PTGER3: variants seen among roughly 807,000 people sequenced by gnomAD.
PTGER3 encodes prostaglandin E2 receptor EP3 subtype.
In PTGER3, 22 loss-of-function variants were observed where a neutral mutation model predicts 34.7. The observed-to-expected ratio is 0.63, with a 90% CI of 0.45 to 0.91. The LOEUF is 0.91. Among genes scored for constraint, PTGER3 ranks in the 40% least tolerant of loss-of-function variants. The pLI is 0.00. For missense variants in PTGER3, 468 were observed against 519.4 expected (o/e 0.90, Z 0.96); for synonymous variants, 241 against 230.1 (o/e 1.05, Z -0.43).
At chr1:70,920,957 C>CAA (rs1181031907) in intron 4 of PTGER3, among the ~76,000 whole-genome samples, 1 of 152,196 alleles carries the variant, frequency 6.6e-6, no homozygotes, top group Non-Finnish European at 1.5e-5. Context: ...TAATTACAGA[C>CAA]AAGACTGCTC....
chr1:70,884,999 C>A (rs1046953083), intron 4 of PTGER3, among the ~76,000 whole-genome samples: 6 of 152,182 alleles, frequency 3.9e-5, no homozygotes, highest in African/African-American at 9.7e-5. Context: ...AAAATCACAT[C>A]CCACTGAATT....
intron 1 of PTGER3, among the ~76,000 whole-genome samples, chr1:71,021,959 G>A (rs970785002): frequency 2.6e-5 from 4 of 151,818 alleles, no homozygotes; most frequent in African/African-American, 4.9e-5. Flanking sequence ...ATGAAGAAAT[G>A]TTCAGAATGT....
At chr1:71,037,078 A>G (rs1402218795) in intron 1 of PTGER3, among the ~76,000 whole-genome samples, 6 of 152,114 alleles carry the variant, frequency 3.9e-5, no homozygotes, top group Admixed American at 3.9e-4. Context: ...CCAAGCACAG[A>G]CCCAGTACAG....
chr1:70,883,250 A>AC (rs1346997902), intron 4 of PTGER3, among the ~76,000 whole-genome samples: 7 of 152,234 alleles, frequency 4.6e-5, no homozygotes, highest in African/African-American at 1.7e-4. Context: ...TAATTTTGGT[A>AC]CAAAATTAGT....
At chr1:70,938,371 T>C (rs752427044) in intron 4 of PTGER3, among the ~76,000 whole-genome samples, 5 of 152,192 alleles carry the variant, frequency 3.3e-5, no homozygotes, top group Non-Finnish European at 7.3e-5. Flanking sequence ...CAATGATTTA[T>C]AAAATGTACT....
intron 2 of PTGER3, among the ~76,000 whole-genome samples, chr1:70,958,871 G>A (rs1026378239): frequency 5.3e-5 from 8 of 152,084 alleles, no homozygotes; most frequent in African/African-American, 1.9e-4. Flanking sequence ...AGAGATGGGG[G>A]TCTAGTTTCA....
chr1:70,977,210 G>A (rs1653791184), intron 2 of PTGER3, among the ~76,000 whole-genome samples: 1 of 152,004 alleles, frequency 6.6e-6, no homozygotes, highest in Non-Finnish European at 1.5e-5. Context: ...TGTGTAAATG[G>A]GCACGTCACA....
At chr1:70,973,653 T>G (rs1653377036) in intron 3 of PTGER3, among the ~76,000 whole-genome samples, 1 of 152,202 alleles carries the variant, frequency 6.6e-6, no homozygotes, top group Non-Finnish European at 1.5e-5. Context: ...TCAACTGTGT[T>G]ATCTCTGAAA....
At chr1:70,900,397 T>C (rs1254879646) in intron 4 of PTGER3, among the ~76,000 whole-genome samples, 1 of 152,170 alleles carries the variant, frequency 6.6e-6, no homozygotes, top group Non-Finnish European at 1.5e-5. Context: ...AGTGTCAGCC[T>C]CTTTTACATG....
chr1:70,920,089 A>T (rs1206780885), intron 4 of PTGER3, among the ~76,000 whole-genome samples: 2 of 152,182 alleles, frequency 1.3e-5, no homozygotes, highest in Non-Finnish European at 2.9e-5. Context: ...GGCCCAATTA[A>T]TGCTGACAGT....
At chr1:71,008,225 A>G (rs1657136194) in intron 2 of PTGER3, 1 of 941,910 alleles carries the variant, frequency 1.1e-6, no homozygotes, top group Non-Finnish European at 1.3e-6. Flanking sequence ...TGGGTTGCTT[A>G]TTACATGAAA....
intron 1 of PTGER3, among the ~76,000 whole-genome samples, chr1:71,022,070 A>G (rs770959454): frequency 6.6e-6 from 1 of 151,866 alleles, no homozygotes; most frequent in Non-Finnish European, 1.5e-5. Flanking sequence ...TCTGGGTGAG[A>G]ATTATGGCAA....
chr1:70,852,959 A>G, intron 4 of PTGER3: 2 of 1,302,552 alleles, frequency 1.5e-6, no homozygotes, highest in Non-Finnish European at 2.2e-6. Flanking sequence ...ATTTCAGATT[A>G]TGAACAGGAA....
At chr1:70,862,742 AAAG>A (rs1442819466) in intron 4 of PTGER3, among the ~76,000 whole-genome samples, 1 of 152,148 alleles carries the variant, frequency 6.6e-6, no homozygotes, top group Non-Finnish European at 1.5e-5. Context: ...AGGAGGAGGA[AAAG>A]AAGAAAGAAG....
At chr1:70,856,548 A>C (rs775092587) in intron 4 of PTGER3, among the ~76,000 whole-genome samples, 1 of 152,184 alleles carries the variant, frequency 6.6e-6, no homozygotes, top group Non-Finnish European at 1.5e-5. Context: ...AACCTAACTA[A>C]AGCAAAACAA....
chr1:70,965,881 A>G (rs1037375082), downstream of PTGER3, among the ~76,000 whole-genome samples: 2 of 152,156 alleles, frequency 1.3e-5, no homozygotes, highest in African/African-American at 4.8e-5. Flanking sequence ...TTTGATATGT[A>G]CTTGGAATTT....
intron 4 of PTGER3, among the ~76,000 whole-genome samples, chr1:70,879,864 G>A (rs1358580096): frequency 6.6e-6 from 1 of 152,254 alleles, no homozygotes; most frequent in Non-Finnish European, 1.5e-5. Context: ...GGGAGGCCGA[G>A]TGGGTGGATC....
At chr1:70,940,059 C>G (rs1414694691) in intron 4 of PTGER3, among the ~76,000 whole-genome samples, 1 of 152,150 alleles carries the variant, frequency 6.6e-6, no homozygotes, top group Non-Finnish European at 1.5e-5. Flanking sequence ...TCCAAGTCAC[C>G]TCTTGAATGC....
chr1:70,852,606 C>T (rs1181952066), exon 5 of PTGER3: 1 of 567,378 alleles, frequency 1.8e-6, no homozygotes, highest in Non-Finnish European at 3.1e-6. Flanking sequence ...TATAAATTCA[C>T]AAAACAATAG....
Sources: allele counts gnomAD v4.1 joint callset (sites outside exome capture counted in the v4.1 genomes callset), GRCh38; gene constraint gnomAD v4.1.1; transcripts MANE v1.5; gene names NCBI Gene and HGNC (gene_info 2026-07-23, HGNC 2026-07-21).